Variants in ZNF385D observed in about 807,000 individuals in gnomAD.
ZNF385D encodes zinc finger protein 385D.
A neutral mutation model predicts 35.8 loss-of-function variants in ZNF385D; 15 were observed. The ratio of observed to expected loss-of-function variants is 0.42; its 90% confidence interval spans 0.28 to 0.64. ZNF385D has a LOEUF of 0.64. ZNF385D is among the 30% of genes least tolerant of loss of function. The pLI, the probability that ZNF385D is intolerant of heterozygous loss-of-function variation, is 0.23. For missense variants in ZNF385D, 474 were observed against 494.6 expected (o/e 0.96, Z 0.39); for synonymous variants, 212 against 186.8 (o/e 1.13, Z -1.10).
intron 2 of ZNF385D, among the ~76,000 whole-genome samples, chr3:21,576,077 G>T (rs115480655): frequency 1.3e-3 from 196 of 152,234 alleles, no homozygotes; most frequent in African/African-American, 4.5e-3. Context: ...CTCTACAACT[G>T]CAAACCACCA....
chr3:21,851,804 ACTT>A (rs1489595893), intron 3 of ZNF385D, among the ~76,000 whole-genome samples: 15 of 151,930 alleles, frequency 9.9e-5, no homozygotes, highest in African/African-American at 3.6e-4. Flanking sequence ...TTATCCTTCT[ACTT>A]CTTCTCTAAT....
chr3:21,893,718 G>C (rs1047741623), intron 3 of ZNF385D, among the ~76,000 whole-genome samples: 1 of 152,098 alleles, frequency 6.6e-6, no homozygotes, highest in Non-Finnish European at 1.5e-5. Context: ...GCAACAAGGA[G>C]AATTTCCCTC....
chr3:21,707,029 C>T (rs532806629), intron 1 of ZNF385D, among the ~76,000 whole-genome samples: 16 of 152,234 alleles, frequency 1.1e-4, no homozygotes, highest in South Asian at 1.0e-3. Context: ...CAAAGGCTTT[C>T]AGTAGCTTAC....
intron 4 of ZNF385D, among the ~76,000 whole-genome samples, chr3:21,453,419 A>C (rs1231577217): frequency 6.6e-6 from 1 of 152,038 alleles, no homozygotes; most frequent in African/African-American, 2.4e-5. Context: ...ACTACCAAAA[A>C]GTGAGAAAAC....
At chr3:22,170,630 T>G in intron 2 of ZNF385D, among the ~76,000 whole-genome samples, 1 of 152,190 alleles carries the variant, frequency 6.6e-6, no homozygotes, top group African/African-American at 2.4e-5. Context: ...ATTTAAATGG[T>G]CATTTTAAAA....
At chr3:22,097,935 C>T (rs963933578) in intron 3 of ZNF385D, among the ~76,000 whole-genome samples, 1 of 152,004 alleles carries the variant, frequency 6.6e-6, no homozygotes, top group Non-Finnish European at 1.5e-5. Flanking sequence ...TCATTTACAA[C>T]TCATGTGAGC....
intron 3 of ZNF385D, among the ~76,000 whole-genome samples, chr3:21,812,815 C>G (rs1299079596): frequency 6.6e-6 from 1 of 152,202 alleles, no homozygotes. Flanking sequence ...CAGAATTAAA[C>G]GTCCCTGTCT....
intron 2 of ZNF385D, among the ~76,000 whole-genome samples, chr3:22,327,779 T>A (rs944622008): frequency 6.6e-6 from 1 of 152,176 alleles, no homozygotes; most frequent in African/African-American, 2.4e-5. Context: ...TGATGCTGCA[T>A]AGATGTGATT....
At chr3:22,209,974 T>C (rs1697412541) in intron 2 of ZNF385D, among the ~76,000 whole-genome samples, 1 of 151,874 alleles carries the variant, frequency 6.6e-6, no homozygotes, top group African/African-American at 2.4e-5. Context: ...AACTTCTTTA[T>C]TCAAAATTAT....
intron 3 of ZNF385D, among the ~76,000 whole-genome samples, chr3:21,766,024 G>C (rs569844796): frequency 6.6e-6 from 1 of 152,140 alleles, no homozygotes; most frequent in South Asian, 2.1e-4. Context: ...CAAGAGAAAA[G>C]AAGGTAGCAG....
chr3:21,989,077 C>T (rs1037803555), intron 3 of ZNF385D, among the ~76,000 whole-genome samples: 110 of 152,220 alleles, frequency 7.2e-4, no homozygotes, highest in African/African-American at 2.4e-3. Flanking sequence ...GAGATGAACC[C>T]GGTACCTCAG....
intron 2 of ZNF385D, among the ~76,000 whole-genome samples, chr3:22,202,393 T>A (rs1030556153): frequency 6.6e-6 from 1 of 152,080 alleles, no homozygotes; most frequent in Admixed American, 6.6e-5. Flanking sequence ...CAGAAAATAC[T>A]AGCATAATCT....
At chr3:21,949,048 T>C (rs916985395) in intron 3 of ZNF385D, among the ~76,000 whole-genome samples, 8 of 152,352 alleles carry the variant, frequency 5.3e-5, no homozygotes, top group African/African-American at 1.9e-4. Flanking sequence ...CCATTTGTGC[T>C]CTTTAACTTA....
chr3:21,686,448 C>T (rs1002964002), intron 1 of ZNF385D, among the ~76,000 whole-genome samples: 2 of 152,060 alleles, frequency 1.3e-5, no homozygotes, highest in African/African-American at 4.8e-5. Flanking sequence ...TGAACTATCG[C>T]AATATAATGT....
At chr3:21,836,433 T>C (rs1695335341) in intron 3 of ZNF385D, among the ~76,000 whole-genome samples, 1 of 152,022 alleles carries the variant, frequency 6.6e-6, no homozygotes, top group African/African-American at 2.4e-5. Flanking sequence ...GAGAGTGAGG[T>C]TGAGACAGTC....
chr3:22,066,619 T>C (rs1699977296), intron 3 of ZNF385D, among the ~76,000 whole-genome samples: 2 of 150,640 alleles, frequency 1.3e-5, no homozygotes, highest in Admixed American at 1.3e-4. Flanking sequence ...TCCCTATCTG[T>C]GCACCAGTGA....
chr3:21,850,633 T>A (rs1696324322), intron 3 of ZNF385D, among the ~76,000 whole-genome samples: 1 of 152,112 alleles, frequency 6.6e-6, no homozygotes, highest in Admixed American at 6.6e-5. Flanking sequence ...ACAGGACAAG[T>A]ATCCGGGAGC....
At chr3:22,144,527 C>T (rs1038076234) in intron 3 of ZNF385D, among the ~76,000 whole-genome samples, 1 of 120,976 alleles carries the variant, frequency 8.3e-6, no homozygotes, top group Non-Finnish European at 1.6e-5. Flanking sequence ...GAGCCAAGAT[C>T]ATGCCACTGC....
intron 1 of ZNF385D, among the ~76,000 whole-genome samples, chr3:21,722,563 G>A (rs1299846220): frequency 6.6e-6 from 1 of 152,208 alleles, no homozygotes; most frequent in African/African-American, 2.4e-5. Context: ...TAGTAATAAG[G>A]CGTGGGCGCC....
Sources: allele counts gnomAD v4.1 joint callset (sites outside exome capture counted in the v4.1 genomes callset), GRCh38; gene constraint gnomAD v4.1.1; transcripts MANE v1.5; gene names NCBI Gene and HGNC (gene_info 2026-07-23, HGNC 2026-07-21).